Variants in THADA observed in about 807,000 individuals in gnomAD.
THADA encodes THADA armadillo repeat containing.
A neutral mutation model predicts 219.8 loss-of-function variants in THADA; 213 were observed. The observed-to-expected ratio is 0.97, with a 90% CI of 0.87 to 1.09. The LOEUF is 1.09. Ranked by LOEUF, THADA falls within the 50% of genes least tolerant of loss-of-function variation. The pLI, the probability that THADA is intolerant of heterozygous loss-of-function variation, is 0.00. For missense variants in THADA, 2,956 were observed against 2,311.3 expected, an observed-to-expected ratio of 1.28 and a Z score of -5.72; for synonymous variants, 1,018 against 828.9, an observed-to-expected ratio of 1.23 and a Z score of -3.92.
chr2:43,301,369 C>T (rs1676246232), intron 31 of THADA, among the ~76,000 whole-genome samples: 1 of 152,246 alleles, frequency 6.6e-6, no homozygotes, highest in Non-Finnish European at 1.5e-5. Context: ...TCCTGGCAGG[C>T]AGGCCAGCCA....
chr2:43,296,330 C>T (rs1675380942), intron 31 of THADA, among the ~76,000 whole-genome samples: 1 of 152,088 alleles, frequency 6.6e-6, no homozygotes, highest in Non-Finnish European at 1.5e-5. Context: ...GGCTGGAGTG[C>T]AGTGGCACAA....
intron 22 of THADA, among the ~76,000 whole-genome samples, chr2:43,519,402 A>G (rs1692128097): frequency 6.6e-6 from 1 of 152,170 alleles, no homozygotes; most frequent in Non-Finnish European, 1.5e-5. Context: ...GTGCTTTAGA[A>G]TGAAAATAAA....
chr2:43,550,637 A>C (rs1158670158), intron 19 of THADA, among the ~76,000 whole-genome samples: 1 of 152,170 alleles, frequency 6.6e-6, no homozygotes, highest in Non-Finnish European at 1.5e-5. Context: ...TTTGAGACCA[A>C]CTGATACCTT....
rs772703611 is a variant in THADA, at chr2:43,292,971, G to A, written c.4681C>T (p.Leu1561=). 6.2e-7 allele frequency: 1 copy of A among 1,614,016 alleles called. No homozygotes were observed. Among genetic ancestry groups the A allele is most frequent in the Non-Finnish European group, 8.5e-7 (1 of 1,179,894 alleles). Residue 1561 remains leucine, a synonymous_variant, in exon 32 of 38, where the codon CTG becomes TTG. Coordinates refer to ENST00000405975, the MANE Select transcript of THADA (RefSeq NM_022065.5). ...AAGAACTTTTCCAAGAGGGCTTCCAGTGTTAGTGAGCGCACTTCAGGGAAG... is the reference window on the plus strand; with the variant it reads ...AAGAACTTTTCCAAGAGGGCTTCCAATGTTAGTGAGCGCACTTCAGGGAAG... The part of the protein sequence containing the change: ...SAFPEVRSLT[L]EALLEKFLAA...
Position 43,375,036 on chromosome 2 carries a change from G to A in THADA, c.4227+22935C>T, listed in dbSNP as rs569948586. 4.6e-5 allele frequency among the ~76,000 whole-genome samples: 7 copies of A among 151,632 alleles called. No homozygotes were observed. The East Asian group carries it at 1.4e-3, about 29-fold the overall frequency. On this transcript the variant is annotated intron_variant, in intron 29 of 37. Transcript: ENST00000405975. ...AAGATTTATTTTCTAATAAATGGTC[G>A]TGGACCAAAAAGAAAAAAAAAACCA...
intron 16 of THADA, among the ~76,000 whole-genome samples, chr2:43,559,148 G>C (rs1042465563): frequency 6.6e-6 from 1 of 152,156 alleles, no homozygotes; most frequent in African/African-American, 2.4e-5. Context: ...GGCAGACAGA[G>C]GAAGAGAAAA....
chr2:43,388,730 C>G (rs931973110), intron 29 of THADA, among the ~76,000 whole-genome samples: 3 of 152,192 alleles, frequency 2.0e-5, no homozygotes, highest in Non-Finnish European at 2.9e-5. Flanking sequence ...ACCGGAGGAA[C>G]CTCTCTGTGA....
intron 22 of THADA, among the ~76,000 whole-genome samples, chr2:43,515,165 A>AATATATTATATATTATATATAATATATT (rs1691364759): frequency 4.0e-4 from 1 of 2,498 alleles, no homozygotes; most frequent in Non-Finnish European, 6.2e-4. Flanking sequence ...TATTATATAT[A>AATATATTATATATTATATATAATATATT]ATATATTATA....
chr2:43,261,056 GGCTCAT>G (rs1347664612), intron 36 of THADA, among the ~76,000 whole-genome samples: 1 of 151,874 alleles, frequency 6.6e-6, no homozygotes, highest in Non-Finnish European at 1.5e-5. Flanking sequence ...GATATGTAAA[GGCTCAT>G]GCCTGTTATT....
intron 26 of THADA, among the ~76,000 whole-genome samples, chr2:43,468,148 A>G (rs902380302): frequency 2.0e-5 from 3 of 152,260 alleles, no homozygotes; most frequent in Non-Finnish European, 4.4e-5. Flanking sequence ...TATTTTAAAT[A>G]AATGAAAATA....
chr2:43,584,188 C>G (rs1484680594), intron 7 of THADA, among the ~76,000 whole-genome samples: 1 of 151,888 alleles, frequency 6.6e-6, no homozygotes, highest in Non-Finnish European at 1.5e-5. Flanking sequence ...CAGGAAAAGA[C>G]TTTTTTAAAA....
chr2:43,541,214 A>G lies in THADA; in HGVS notation c.3209T>C (p.Leu1070Pro). Residue 1070 changes from leucine (L) to proline (P), a missense_variant, in exon 21 of 38, where the codon CTT (leucine) becomes CCT (proline). Transcript: ENST00000405975. ...VALLLGMLCQ[L>P]LPMQPVPESS... ...TTCTGGCACAGGCTGCATGGGCAGA[A>G]GCTGGCACAACATGCCTAAAAGTAA... 6.2e-7 allele frequency: 1 copy of G among 1,611,050 alleles called. No homozygotes were observed. The highest frequency in any genetic ancestry group is 8.5e-7 in the Non-Finnish European group (1 of 1,178,822).
At chr2:43,276,219 A>T (rs1672708716) in intron 36 of THADA, among the ~76,000 whole-genome samples, 1 of 151,948 alleles carries the variant, frequency 6.6e-6, no homozygotes, top group Non-Finnish European at 1.5e-5. Flanking sequence ...ATTGGTACAG[A>T]GTGGGGAGGG....
intron 29 of THADA, among the ~76,000 whole-genome samples, chr2:43,381,106 A>G (rs1407249347): frequency 3.3e-5 from 5 of 150,480 alleles, no homozygotes; most frequent in African/African-American, 9.7e-5. Flanking sequence ...TCAAAAAAAA[A>G]AAAAAAAAAA....
At chr2:43,590,700 C>A (rs1352884483) in intron 4 of THADA, 124 bp downstream of exon 4, 17 of 871,350 alleles carry the variant, frequency 2.0e-5, no homozygotes, top group Non-Finnish European at 2.6e-5. Context: ...AGAGAACAAA[C>A]CATATGAATG....
chr2:43,419,652 G>A (rs1343353321), intron 28 of THADA, among the ~76,000 whole-genome samples: 1 of 152,138 alleles, frequency 6.6e-6, no homozygotes, highest in Non-Finnish European at 1.5e-5. Context: ...CTGCCTATCA[G>A]TCAGCATTTG....
At chr2:43,519,674 G>A (rs1401677339) in intron 22 of THADA, among the ~76,000 whole-genome samples, 1 of 152,198 alleles carries the variant, frequency 6.6e-6, no homozygotes, top group Admixed American at 6.6e-5. Context: ...GTCAAAGAGA[G>A]CTCAGTCAAA....
intron 28 of THADA, among the ~76,000 whole-genome samples, chr2:43,404,212 A>G (rs1675244458): frequency 6.6e-6 from 1 of 151,946 alleles, no homozygotes; most frequent in African/African-American, 2.4e-5. Flanking sequence ...TTTTGTTTAG[A>G]GACAGGGTCT....
In THADA at chr2:43,572,925, T is replaced by A. The variant is rs1574317717; in HGVS notation, c.1797A>T (p.Ala599=). 11 of 1,613,858 alleles carry A rather than the reference T, an allele frequency of 6.8e-6. No homozygotes were observed. Among genetic ancestry groups the A allele is most frequent in the African/African-American group, 2.7e-5 (2 of 74,928 alleles). Residue 599 remains alanine (A), a synonymous_variant, in exon 12 of 38, where the codon GCA becomes GCT. Transcript: ENST00000405975. ...CATGAGCTCTAGCTATTCGCAGACA[T>A]GCCATCAAAGCTCCCAGAGCCCCCC... ...NSRGALGALM[A]CLRIARAHGH...
Sources: allele counts gnomAD v4.1 joint callset (sites outside exome capture counted in the v4.1 genomes callset), GRCh38; gene constraint gnomAD v4.1.1; transcripts MANE v1.5; gene names NCBI Gene and HGNC (gene_info 2026-07-23, HGNC 2026-07-21).